DPYD: variants seen among roughly 807,000 people sequenced by gnomAD.
DPYD encodes the protein dihydropyrimidine dehydrogenase, also known as dihydropyrimidine dehydrogenase [NADP(+)].
A neutral mutation model predicts 116.2 loss-of-function variants in DPYD; 109 were observed. The observed-to-expected ratio is 0.94, with a 90% CI of 0.80 to 1.10. DPYD has a LOEUF of 1.10. DPYD is among the 50% of genes least tolerant of loss of function. The pLI is 0.00. For synonymous variants in DPYD, 440 were observed against 432.0 expected (o/e 1.02, Z -0.23); for missense variants, 1,302 against 1,254.5 (o/e 1.04, Z -0.57).
At chr1:97,707,848 G>A (rs1203144446) in intron 5 of DPYD, among the ~76,000 whole-genome samples, 1 of 151,780 alleles carries the variant, frequency 6.6e-6, no homozygotes, top group Non-Finnish European at 1.5e-5. Context: ...TTTTTAAATG[G>A]GTTGTTTTCA....
At chr1:97,082,062 G>A (rs1649194721) in intron 22 of DPYD, among the ~76,000 whole-genome samples, 1 of 151,852 alleles carries the variant, frequency 6.6e-6, no homozygotes, top group Admixed American at 6.6e-5. Context: ...CTTTTCAGTT[G>A]GATTTTTCTC....
intron 18 of DPYD, among the ~76,000 whole-genome samples, chr1:97,288,891 T>A (rs1490910814): frequency 6.6e-6 from 1 of 151,886 alleles, no homozygotes; most frequent in African/African-American, 2.4e-5. Context: ...AATTAATGAA[T>A]CCAGGATCTG....
intron 10 of DPYD, among the ~76,000 whole-genome samples, chr1:97,592,613 G>A (rs574812981): frequency 6.6e-6 from 1 of 151,938 alleles, no homozygotes; most frequent in South Asian, 2.1e-4. Flanking sequence ...GTGATCCGCC[G>A]GCCTCAGCCT....
At position 97,594,918 on chromosome 1, in the gene DPYD, T is replaced by A. The variant is rs565214896; in HGVS notation, c.958+141A>T. On this transcript the variant is annotated intron_variant, in intron 9 of 22. Coordinates refer to ENST00000370192, the MANE Select transcript of DPYD (RefSeq NM_000110.4). ...GGCAAACTGTTATACCCGGCCTTTT[T>A]TTTTTTAATTTTACATTTGGGTCTT... The A allele has an allele frequency of 1.8e-5, 11 of 617,688 alleles. No individual in the cohort carries two copies. The South Asian group carries it at 1.9e-4, about 10-fold the overall frequency. 38.3% of individuals were successfully genotyped at this position (617,688 alleles called of 1,614,324 possible). A position where few individuals can be genotyped will look rare whatever the true frequency, so the allele number is the denominator to read the frequency against.
intron 22 of DPYD, 32 bp from the exon 23 acceptor site, chr1:97,079,178 C>T (rs367558192): frequency 1.6e-4 from 260 of 1,611,380 alleles, no homozygotes; most frequent in Non-Finnish European, 2.0e-4. Context: ...ATTGATGTCA[C>T]TGACCACAAA....
At chr1:97,828,391 A>T (rs1020270777) in intron 2 of DPYD, among the ~76,000 whole-genome samples, 195 bp from the exon 3 acceptor site, 2 of 152,194 alleles carry the variant, frequency 1.3e-5, no homozygotes, top group Non-Finnish European at 2.9e-5. Flanking sequence ...TTTATGATAC[A>T]GCTGTCACAG....
At chr1:97,467,020 C>A (rs988609489) in intron 13 of DPYD, among the ~76,000 whole-genome samples, 3 of 152,146 alleles carry the variant, frequency 2.0e-5, no homozygotes, top group Non-Finnish European at 4.4e-5. Flanking sequence ...AGGCACCTAG[C>A]TAGCCTTGAG....
At chr1:97,142,578 T>A (rs1418934837) in intron 20 of DPYD, among the ~76,000 whole-genome samples, 1 of 152,158 alleles carries the variant, frequency 6.6e-6, no homozygotes, top group Admixed American at 6.6e-5. Flanking sequence ...TTCTTCATAC[T>A]TGTTTCACTT....
intron 3 of DPYD, among the ~76,000 whole-genome samples, chr1:97,791,716 T>G (rs187298903): frequency 1.3e-5 from 2 of 152,296 alleles, no homozygotes; most frequent in Non-Finnish European, 1.5e-5. Context: ...TTTATCCTAT[T>G]CAGTTTCCCA....
At chr1:97,249,782 T>G (rs1400191047) in intron 18 of DPYD, among the ~76,000 whole-genome samples, 1 of 152,164 alleles carries the variant, frequency 6.6e-6, no homozygotes. Context: ...TGAACAATAC[T>G]TTTTAAAAAG....
At chr1:97,805,797 T>C (rs1308620036) in intron 3 of DPYD, among the ~76,000 whole-genome samples, 1 of 151,746 alleles carries the variant, frequency 6.6e-6, no homozygotes, top group East Asian at 1.9e-4. Flanking sequence ...CGGAGGGGTG[T>C]TATAATTGGA....
intron 13 of DPYD, among the ~76,000 whole-genome samples, chr1:97,499,548 T>C (rs1679458263): frequency 6.6e-6 from 1 of 151,786 alleles, no homozygotes; most frequent in African/African-American, 2.4e-5. Context: ...ATATACAACT[T>C]CAAATTCTCC....
chr1:97,320,444 C>G (rs1570511529), intron 16 of DPYD, among the ~76,000 whole-genome samples: 1 of 55,948 alleles, frequency 1.8e-5, no homozygotes, highest in South Asian at 5.8e-4. Context: ...CAACAACAGA[C>G]AAACAGAGAG....
intron 4 of DPYD, among the ~76,000 whole-genome samples, chr1:97,730,839 C>T (rs893522105): frequency 6.7e-6 from 1 of 150,342 alleles, no homozygotes; most frequent in African/African-American, 2.4e-5. Flanking sequence ...AACACTAATA[C>T]AAATACAAAA....
intron 11 of DPYD, among the ~76,000 whole-genome samples, chr1:97,562,762 A>C (rs540155182): frequency 6.9e-4 from 105 of 152,280 alleles, no homozygotes; most frequent in South Asian, 1.9e-3. Flanking sequence ...TCTGTTGCCC[A>C]GGCCAGAGTG....
chr1:97,142,725 C>T (rs1337830944), intron 20 of DPYD, among the ~76,000 whole-genome samples: 1 of 151,984 alleles, frequency 6.6e-6, no homozygotes, highest in African/African-American at 2.4e-5. Context: ...TTAATTTATT[C>T]TGTAAGCTAA....
chr1:97,545,059 T>C (rs923429835), intron 12 of DPYD, among the ~76,000 whole-genome samples: 1 of 152,020 alleles, frequency 6.6e-6, no homozygotes, highest in East Asian at 1.9e-4. Context: ...AAAATAAGGG[T>C]ATAAAAGAGT....
At chr1:97,499,265 A>G (rs1049664106) in intron 13 of DPYD, among the ~76,000 whole-genome samples, 22 of 151,762 alleles carry the variant, frequency 1.4e-4, no homozygotes, top group African/African-American at 4.6e-4. Flanking sequence ...GCTATCTTGA[A>G]TAATTTGTTT....
chr1:97,137,073 T>C lies in DPYD; in HGVS notation c.2623-38441A>G, dbSNP rs184699359. On this transcript the variant is annotated intron_variant, in intron 20 of 22. Coordinates refer to ENST00000370192, the MANE Select transcript of DPYD (RefSeq NM_000110.4). ...GATATAGCAAATGCCAAGTAAATAG[T>C]TCAATCTGAACCAGGTTTATTGTTC... is the stretch of plus-strand genomic sequence containing the variant. Among the ~76,000 whole-genome samples, 126 of 152,268 alleles carry C rather than the reference T, an allele frequency of 8.3e-4. 1 individual carries two copies. In the Middle Eastern group the frequency reaches 0.017, roughly 21 times the overall value.
Sources: allele counts gnomAD v4.1 joint callset (sites outside exome capture counted in the v4.1 genomes callset), GRCh38; gene constraint gnomAD v4.1.1; transcripts MANE v1.5; gene names NCBI Gene and HGNC (gene_info 2026-07-23, HGNC 2026-07-21).